LRRC4C: variants seen among roughly 807,000 people sequenced by gnomAD.
LRRC4C encodes the protein leucine-rich repeat-containing protein 4C.
A neutral mutation model predicts 33.6 loss-of-function variants in LRRC4C; 5 were observed. The observed-to-expected ratio is 0.15, with a 90% CI of 0.08 to 0.31. The LOEUF is 0.31. LRRC4C is among the 10% of genes least tolerant of loss of function. The probability of loss-of-function intolerance (pLI) is 1.00; values close to 1 mark genes in which losing one functional copy is unlikely to be tolerated. For synonymous variants in LRRC4C, 329 were observed against 302.0 expected, an observed-to-expected ratio of 1.09 and a Z score of -0.93; for missense variants, 560 against 796.7, an observed-to-expected ratio of 0.70 and a Z score of 3.58.
chr11:40,902,129 C>T (rs1956236770), intron 2 of LRRC4C, among the ~76,000 whole-genome samples: 1 of 151,720 alleles, frequency 6.6e-6, no homozygotes, highest in South Asian at 2.1e-4. Context: ...TTGTGGCAAC[C>T]TTGCATTGAA....
chr11:40,507,724 A>G (rs1210388190), intron 3 of LRRC4C, among the ~76,000 whole-genome samples: 1 of 149,984 alleles, frequency 6.7e-6, no homozygotes, highest in Non-Finnish European at 1.5e-5. Context: ...CTTCATTATA[A>G]GGCACTAGAT....
chr11:41,160,868 C>T (rs1195470385), intron 1 of LRRC4C, among the ~76,000 whole-genome samples: 2 of 152,056 alleles, frequency 1.3e-5, no homozygotes, highest in Non-Finnish European at 2.9e-5. Flanking sequence ...AAGCAAGGAA[C>T]ATTATATTTA....
At chr11:40,452,484 C>T (rs1232909650) in intron 3 of LRRC4C, among the ~76,000 whole-genome samples, 1 of 152,112 alleles carries the variant, frequency 6.6e-6, no homozygotes, top group East Asian at 1.9e-4. Context: ...CAATGAGATA[C>T]CATCTCACAC....
intron 3 of LRRC4C, among the ~76,000 whole-genome samples, chr11:40,504,174 C>A (rs1199005745): frequency 6.6e-6 from 1 of 151,756 alleles, no homozygotes; most frequent in East Asian, 1.9e-4. Flanking sequence ...TTTTTTTTAA[C>A]ATTTATCATC....
chr11:40,637,886 T>C (rs899235337), intron 3 of LRRC4C, among the ~76,000 whole-genome samples: 7 of 152,182 alleles, frequency 4.6e-5, no homozygotes, highest in African/African-American at 1.7e-4. Context: ...CTCCAGGACT[T>C]CACTCCTTAA....
chr11:40,180,774 T>C (rs1202607256), intron 5 of LRRC4C, among the ~76,000 whole-genome samples: 1 of 152,226 alleles, frequency 6.6e-6, no homozygotes, highest in Non-Finnish European at 1.5e-5. Context: ...TGTGCATGTG[T>C]GTATGCATTC....
At chr11:40,352,543 T>G (rs1425310507) in intron 3 of LRRC4C, among the ~76,000 whole-genome samples, 1 of 152,154 alleles carries the variant, frequency 6.6e-6, no homozygotes, top group Non-Finnish European at 1.5e-5. Flanking sequence ...CTTCTTATAC[T>G]ATGTCTTGAT....
chr11:40,173,785 A>G (rs1860246126), intron 5 of LRRC4C, among the ~76,000 whole-genome samples: 1 of 152,218 alleles, frequency 6.6e-6, no homozygotes, highest in South Asian at 2.1e-4. Context: ...CTCTGGCTCT[A>G]TACAGGTGTC....
chr11:40,946,351 G>A (rs1241892532), intron 1 of LRRC4C, among the ~76,000 whole-genome samples: 2 of 152,148 alleles, frequency 1.3e-5, no homozygotes, highest in African/African-American at 2.4e-5. Flanking sequence ...TGGGCACCTA[G>A]GTTGATTCTA....
intron 2 of LRRC4C, among the ~76,000 whole-genome samples, chr11:40,739,540 A>G (rs1948058461): frequency 6.6e-6 from 1 of 152,072 alleles, no homozygotes; most frequent in Non-Finnish European, 1.5e-5. Flanking sequence ...ATATATATGT[A>G]ATATGGTTAG....
intron 3 of LRRC4C, among the ~76,000 whole-genome samples, chr11:40,532,775 C>A (rs1476057053): frequency 6.6e-6 from 1 of 151,912 alleles, no homozygotes; most frequent in Non-Finnish European, 1.5e-5. Context: ...GTGTATTAAT[C>A]CATTCTCTCA....
intron 1 of LRRC4C, among the ~76,000 whole-genome samples, chr11:41,348,618 CTG>C (rs112404618): frequency 0.016 from 2,381 of 151,178 alleles, 65 homozygotes; most frequent in African/African-American, 0.055. Context: ...ATGGAGAAGA[CTG>C]TTACACCCTG....
At chr11:41,187,811 C>T (rs1244859783) in intron 1 of LRRC4C, among the ~76,000 whole-genome samples, 1 of 152,192 alleles carries the variant, frequency 6.6e-6, no homozygotes, top group African/African-American at 2.4e-5. Flanking sequence ...ACAACCTGCC[C>T]ATCTGCATGC....
At chr11:40,421,862 T>C (rs1950535320) in intron 3 of LRRC4C, among the ~76,000 whole-genome samples, 1 of 152,148 alleles carries the variant, frequency 6.6e-6, no homozygotes, top group Admixed American at 6.5e-5. Flanking sequence ...GGACCAAAAA[T>C]AATGATAATT....
chr11:40,220,245 A>G (rs1864302970), intron 5 of LRRC4C, among the ~76,000 whole-genome samples: 1 of 152,146 alleles, frequency 6.6e-6, no homozygotes, highest in Non-Finnish European at 1.5e-5. Flanking sequence ...ATATGTCAAG[A>G]TTTATGACAG....
intron 3 of LRRC4C, among the ~76,000 whole-genome samples, chr11:40,514,106 C>G (rs1175400459): frequency 6.6e-6 from 1 of 152,128 alleles, no homozygotes; most frequent in Non-Finnish European, 1.5e-5. Flanking sequence ...TTTACCTATT[C>G]CAGCAAAACT....
At chr11:41,015,965 G>A (rs1184886803) in intron 1 of LRRC4C, among the ~76,000 whole-genome samples, 1 of 152,054 alleles carries the variant, frequency 6.6e-6, no homozygotes, top group Non-Finnish European at 1.5e-5. Flanking sequence ...ACTCCAGCCC[G>A]GGCGAGCTGC....
chr11:41,242,874 T>A (rs1451732750), intron 1 of LRRC4C, among the ~76,000 whole-genome samples: 2 of 152,170 alleles, frequency 1.3e-5, no homozygotes, highest in Non-Finnish European at 2.9e-5. Context: ...TATAACATAT[T>A]AATGCATTGT....
At position 40,114,360 on chromosome 11, in the gene LRRC4C, T is replaced by C. The variant is rs751621056; in HGVS notation, c.*10A>G. 14 of 1,575,086 alleles carry C rather than the reference T, an allele frequency of 8.9e-6. No homozygotes were observed. The highest frequency in any genetic ancestry group is 1.2e-5 in the Non-Finnish European group (14 of 1,161,212). Reference sequence around the variant, plus strand: ...TTTGATTGTTTGTTTTTTGTAACTCTGTAAATGTTTTAGATTTGAGTCTCT... The same window carrying C: ...TTTGATTGTTTGTTTTTTGTAACTCCGTAAATGTTTTAGATTTGAGTCTCT... On this transcript the variant is annotated 3_prime_UTR_variant, in exon 7 of 7. Transcript: ENST00000528697.
Sources: gnomAD v4.1 joint callset for allele counts (sites outside exome capture counted in the v4.1 genomes callset) on GRCh38, gnomAD v4.1.1 for gene constraint, MANE v1.5 for transcripts, NCBI Gene and HGNC (gene_info 2026-07-23, HGNC 2026-07-21) for gene names.